The following GPHN variants were observed in gnomAD, a reference collection of about 807,000 sequenced individuals.
GPHN encodes gephyrin.
A neutral mutation model predicts 95.5 loss-of-function variants in GPHN; 17 were observed. That is an observed-to-expected ratio of 0.18 (90% CI 0.12 to 0.27). The LOEUF (loss-of-function observed/expected upper bound fraction) is 0.27. GPHN is among the 10% of genes least tolerant of loss of function. GPHN has a pLI of 1.00. For missense variants in GPHN, 660 were observed against 978.1 expected, an observed-to-expected ratio of 0.67 and a Z score of 4.34; for synonymous variants, 320 against 322.5, an observed-to-expected ratio of 0.99 and a Z score of 0.08.
chr14:67,733,951 G>GC, the GPHN span: 1 of 818,846 alleles, frequency 1.2e-6, no homozygotes, highest in Admixed American at 2.0e-5. Flanking sequence ...GCCAGCTGGT[G>GC]CTGCGAATCC....
At chr14:66,956,707 C>A (rs2068530791) in intron 8 of GPHN, among the ~76,000 whole-genome samples, 1 of 151,906 alleles carries the variant, frequency 6.6e-6, no homozygotes, top group Non-Finnish European at 1.5e-5. Context: ...CTGTTCATGA[C>A]CTTTGCCCAC....
At chr14:66,815,687 A>G (rs2060934689) in intron 3 of GPHN, among the ~76,000 whole-genome samples, 2 of 152,188 alleles carry the variant, frequency 1.3e-5, no homozygotes, top group South Asian at 4.1e-4. Flanking sequence ...AGGAAAGACC[A>G]TTACCAGCCA....
chr14:67,383,083 A>C, the GPHN span, among the ~76,000 whole-genome samples: 1 of 152,152 alleles, frequency 6.6e-6, no homozygotes, highest in African/African-American at 2.4e-5. Flanking sequence ...AAAATGACAG[A>C]AAATAATTTT....
intron 4 of GPHN, among the ~76,000 whole-genome samples, chr14:66,837,127 A>G (rs1596082720): frequency 1.3e-5 from 2 of 151,668 alleles, no homozygotes; most frequent in Non-Finnish European, 2.9e-5. Flanking sequence ...TCATGCTGCT[A>G]TAAAGACACA....
chr14:66,670,723 T>C (rs923344765), intron 1 of GPHN, among the ~76,000 whole-genome samples: 1 of 152,148 alleles, frequency 6.6e-6, no homozygotes, highest in African/African-American at 2.4e-5. Context: ...GCCTAGGCGG[T>C]GGAGGTTGCA....
At chr14:67,381,723 A>G in the GPHN span, 15 of 1,463,744 alleles carry the variant, frequency 1.0e-5, no homozygotes, top group Middle Eastern at 1.7e-4. Context: ...CCCTGCTGAA[A>G]TGCTCACCTA....
At chr14:66,585,366 C>T (rs1426096905) in intron 1 of GPHN, among the ~76,000 whole-genome samples, 4 of 151,352 alleles carry the variant, frequency 2.6e-5, no homozygotes, top group East Asian at 2.0e-4. Flanking sequence ...TTTTTTGAAG[C>T]GTTTTTTGTG....
the GPHN span, among the ~76,000 whole-genome samples, chr14:67,704,311 C>G: frequency 6.6e-6 from 1 of 152,282 alleles, no homozygotes; most frequent in African/African-American, 2.4e-5. Context: ...ATTTTCAAAT[C>G]GTTTCACATA....
intron 2 of GPHN, among the ~76,000 whole-genome samples, chr14:66,770,209 T>A (rs563386506): frequency 2.0e-5 from 3 of 152,362 alleles, no homozygotes; most frequent in East Asian, 3.9e-4. Flanking sequence ...TTGAAGTTCC[T>A]TATAGATGCT....
At chr14:67,332,439 T>C in the GPHN span, among the ~76,000 whole-genome samples, 2 of 152,358 alleles carry the variant, frequency 1.3e-5, no homozygotes, top group South Asian at 4.1e-4. Context: ...GAAGAGGTTA[T>C]AGTGTCTAGA....
chr14:67,092,042 T>G (rs2077170777), intron 12 of GPHN, among the ~76,000 whole-genome samples: 1 of 152,074 alleles, frequency 6.6e-6, no homozygotes, highest in African/African-American at 2.4e-5. Flanking sequence ...ATGGTTAGTA[T>G]GTCTGTGTAT....
At position 67,138,056 on chromosome 14, in the gene GPHN, T is replaced by A. The variant is rs553315199; in HGVS notation, c.1749-5306T>A. On this transcript the variant is annotated intron_variant, in intron 17 of 22. Coordinates refer to ENST00000478722, the MANE Select transcript of GPHN (RefSeq NM_020806.5). Reference sequence around the variant, plus strand: ...AATAAGATTTATATATTTATATAAATGCTGATAAATAGCTTTTATCTGAAG... The same window carrying A: ...AATAAGATTTATATATTTATATAAAAGCTGATAAATAGCTTTTATCTGAAG... Among the ~76,000 whole-genome samples the A allele has an allele frequency of 2.4e-3, 364 of 152,300 alleles. 4 individuals carry two copies. Among genetic ancestry groups the A allele is most frequent in the African/African-American group, 8.3e-3 (343 of 41,572 alleles).
chr14:66,731,846 C>T (rs763987365), intron 2 of GPHN, among the ~76,000 whole-genome samples: 7 of 152,190 alleles, frequency 4.6e-5, no homozygotes, highest in Non-Finnish European at 8.8e-5. Context: ...AGCCCCTCTG[C>T]TCTGTGCAGC....
chr14:67,023,363 C>T (rs2073760383), intron 9 of GPHN, among the ~76,000 whole-genome samples: 1 of 151,872 alleles, frequency 6.6e-6, no homozygotes, highest in African/African-American at 2.4e-5. Flanking sequence ...ATTTTAAATA[C>T]AAATGAATAA....
chr14:67,118,741 A>C (rs925007586), intron 16 of GPHN, among the ~76,000 whole-genome samples: 2 of 152,162 alleles, frequency 1.3e-5, no homozygotes, highest in Non-Finnish European at 2.9e-5. Flanking sequence ...CAAAAAAAAA[A>C]AAAGATTCAT....
chr14:67,654,143 G>A, the GPHN span, among the ~76,000 whole-genome samples: 32 of 152,116 alleles, frequency 2.1e-4, no homozygotes, highest in Admixed American at 7.9e-4. Context: ...GTCTCACTCC[G>A]TCACTCAGGC....
chr14:66,934,929 A>C (rs914443862), intron 8 of GPHN, among the ~76,000 whole-genome samples: 1 of 152,142 alleles, frequency 6.6e-6, no homozygotes, highest in East Asian at 1.9e-4. Flanking sequence ...GAAATAAGAC[A>C]TTTTCCTAAT....
intron 1 of GPHN, among the ~76,000 whole-genome samples, chr14:66,663,840 A>G (rs1292479001): frequency 6.6e-6 from 1 of 152,132 alleles, no homozygotes; most frequent in Admixed American, 6.5e-5. Context: ...TCCTGTTCTG[A>G]CAAAACAGAC....
chr14:67,616,501 CTGTT>C, the GPHN span: 4 of 157,922 alleles, frequency 2.5e-5, no homozygotes, highest in African/African-American at 9.7e-5. Context: ...AAAGTTGCAG[CTGTT>C]TGTTGACATT....
Sources: allele counts gnomAD v4.1 joint callset (sites outside exome capture counted in the v4.1 genomes callset), GRCh38; gene constraint gnomAD v4.1.1; transcripts MANE v1.5; gene names NCBI Gene and HGNC (gene_info 2026-07-23, HGNC 2026-07-21).